Variants in HMGCLL1 observed in about 807,000 individuals in gnomAD.
HMGCLL1 encodes the protein 3-hydroxymethyl-3-methylglutaryl-CoA lyase, cytoplasmic.
Under a neutral mutation model 39.1 loss-of-function variants are expected in HMGCLL1, and 36 were observed. The ratio of observed to expected loss-of-function variants is 0.92; its 90% CI spans 0.71 to 1.22. The LOEUF (loss-of-function observed/expected upper bound fraction) is 1.22. Among genes scored for constraint, HMGCLL1 ranks in the 50% most tolerant of loss-of-function variants. The probability of loss-of-function intolerance (pLI) is 0.00; values close to 1 mark genes in which losing one functional copy is unlikely to be tolerated. For synonymous variants in HMGCLL1, 149 were observed against 144.0 expected, an observed-to-expected ratio of 1.03 and a Z score of -0.25; for missense variants, 451 against 416.5, an observed-to-expected ratio of 1.08 and a Z score of -0.72.
At chr6:55,473,543 A>G (rs906744317) in intron 7 of HMGCLL1, among the ~76,000 whole-genome samples, 2 of 151,618 alleles carry the variant, frequency 1.3e-5, no homozygotes, top group East Asian at 1.9e-4. Context: ...CCCATATTTT[A>G]TAACATTATT....
the HMGCLL1 span, among the ~76,000 whole-genome samples, chr6:55,678,438 G>C: frequency 6.6e-6 from 1 of 152,018 alleles, no homozygotes; most frequent in Non-Finnish European, 1.5e-5. Context: ...CCTGCTTTAT[G>C]GTCTTAAGGG....
chr6:55,553,267 G>GTGTGTGTGTGTA (rs1278805027), intron 1 of HMGCLL1, among the ~76,000 whole-genome samples: 6 of 151,046 alleles, frequency 4.0e-5, no homozygotes, highest in South Asian at 4.2e-4. Context: ...GTGTGTGTGT[G>GTGTGTGTGTGTA]TGTATGTATG....
chr6:55,587,433 C>A, the HMGCLL1 span, among the ~76,000 whole-genome samples: 1 of 151,830 alleles, frequency 6.6e-6, no homozygotes, highest in Non-Finnish European at 1.5e-5. Flanking sequence ...AACATGGAAA[C>A]GAACAACCGG....
the HMGCLL1 span, among the ~76,000 whole-genome samples, chr6:55,594,291 G>A: frequency 6.6e-6 from 1 of 151,984 alleles, no homozygotes; most frequent in African/African-American, 2.4e-5. Context: ...ACATTATCTA[G>A]GTCATTGAGA....
Position 55,435,058 on chromosome 6 carries a change from GC to G in HMGCLL1, c.*603del, listed in dbSNP as rs1763316608. ...ATATGTTTCCAGGATATGGCATCTT[GC>G]CATTGGCCACAGCCTCTTGGAACCA... On this transcript the variant is annotated 3_prime_UTR_variant, in exon 9 of 9. Transcript: ENST00000274901. 1 of 152,542 alleles carries G rather than the reference GC, an allele frequency of 6.6e-6. No individual in the cohort carries two copies. The allele number at this position is 152,542 out of a possible 1,614,324, so 9.4% of individuals were successfully genotyped here.
chr6:55,505,875 C>T (rs990660944), intron 5 of HMGCLL1, among the ~76,000 whole-genome samples: 1 of 151,698 alleles, frequency 6.6e-6, no homozygotes, highest in Non-Finnish European at 1.5e-5. Context: ...TAACCTCCTT[C>T]AGCAATTCAT....
chr6:55,588,297 A>T, the HMGCLL1 span, among the ~76,000 whole-genome samples: 1 of 152,178 alleles, frequency 6.6e-6, no homozygotes. Flanking sequence ...CGTGCTCCTC[A>T]ATGACTACTG....
intron 5 of HMGCLL1, among the ~76,000 whole-genome samples, chr6:55,503,331 T>C (rs60854541): frequency 0.071 from 10,744 of 151,816 alleles, 382 homozygotes; most frequent in East Asian, 0.16. Context: ...TCCAAATTCA[T>C]AACTTAGCAG....
chr6:55,495,309 A>T (rs1162101580), intron 7 of HMGCLL1, 110 bp downstream of exon 7: 1 of 862,394 alleles, frequency 1.2e-6, no homozygotes, highest in African/African-American at 1.8e-5. Context: ...TTAAAATTAG[A>T]TTCATAACAT....
chr6:55,650,092 TA>T, the HMGCLL1 span, among the ~76,000 whole-genome samples: 1 of 12,488 alleles, frequency 8.0e-5, no homozygotes, highest in African/African-American at 3.3e-4. Context: ...CACATATACA[TA>T]TATATATATA....
At chr6:55,598,375 C>T in the HMGCLL1 span, among the ~76,000 whole-genome samples, 1 of 152,116 alleles carries the variant, frequency 6.6e-6, no homozygotes, top group South Asian at 2.1e-4. Context: ...CACTTAAATG[C>T]CAACAGTAGT....
At chr6:55,642,152 T>G in the HMGCLL1 span, among the ~76,000 whole-genome samples, 296 of 135,868 alleles carry the variant, frequency 2.2e-3, no homozygotes, top group African/African-American at 7.7e-3. Flanking sequence ...AGTGAGAATA[T>G]GCGGTGTTTG....
chr6:55,559,195 A>T (rs1770816532), intron 1 of HMGCLL1, among the ~76,000 whole-genome samples: 1 of 152,186 alleles, frequency 6.6e-6, no homozygotes, highest in African/African-American at 2.4e-5. Context: ...AGTCCACGAA[A>T]ACGTTTTGCT....
intron 3 of HMGCLL1, among the ~76,000 whole-genome samples, chr6:55,521,141 T>G (rs1169736699): frequency 6.6e-6 from 1 of 152,098 alleles, no homozygotes; most frequent in Non-Finnish European, 1.5e-5. Flanking sequence ...TATAATGTGT[T>G]CCAAATATTT....
chr6:55,586,262 A>G, the HMGCLL1 span, among the ~76,000 whole-genome samples: 2 of 152,090 alleles, frequency 1.3e-5, no homozygotes, highest in African/African-American at 4.8e-5. Flanking sequence ...AGAACACTTC[A>G]GGGAAAGAGA....
At chr6:55,651,188 G>C in the HMGCLL1 span, among the ~76,000 whole-genome samples, 3 of 152,136 alleles carry the variant, frequency 2.0e-5, no homozygotes, top group Non-Finnish European at 4.4e-5. Flanking sequence ...CCTAGTTCCT[G>C]CAGCATACTC....
At chr6:55,542,929 T>C (rs1428274578) in intron 1 of HMGCLL1, among the ~76,000 whole-genome samples, 1 of 129,018 alleles carries the variant, frequency 7.8e-6, no homozygotes, top group African/African-American at 3.0e-5. Flanking sequence ...ATTGTTATTA[T>C]ATTACTATAT....
chr6:55,532,315 G>T (rs529055119), intron 3 of HMGCLL1, among the ~76,000 whole-genome samples: 6 of 151,994 alleles, frequency 3.9e-5, no homozygotes, highest in Non-Finnish European at 5.9e-5. Context: ...GAAAATATGA[G>T]CATATTAAAC....
chr6:55,606,204 G>A, the HMGCLL1 span, among the ~76,000 whole-genome samples: 2 of 152,068 alleles, frequency 1.3e-5, no homozygotes, highest in African/African-American at 2.4e-5. Context: ...TTCACCTTCC[G>A]ATAAAAAAAT....
Sources: gnomAD v4.1 joint callset for allele counts (sites outside exome capture counted in the v4.1 genomes callset) on GRCh38, gnomAD v4.1.1 for gene constraint, MANE v1.5 for transcripts, NCBI Gene and HGNC (gene_info 2026-07-23, HGNC 2026-07-21) for gene names.